Variants in MTFMT observed in about 807,000 individuals in gnomAD.
MTFMT encodes mitochondrial methionyl-tRNA formyltransferase.
Under a neutral mutation model 51.8 loss-of-function variants are expected in MTFMT, and 47 were observed. That is an observed-to-expected ratio of 0.91 (90% confidence interval 0.72 to 1.16). The LOEUF (loss-of-function observed/expected upper bound fraction) is 1.16, where lower values mean the gene tolerates loss of function less well. MTFMT is among the 50% of genes most tolerant of loss of function. The probability of loss-of-function intolerance (pLI) is 0.00; values close to 1 mark genes in which losing one functional copy is unlikely to be tolerated. For synonymous variants in MTFMT, 196 were observed against 176.7 expected (o/e 1.11, Z -0.87); for missense variants, 512 against 482.3 (o/e 1.06, Z -0.58).
chr15:65,014,718 C>A (rs576960576), intron 6 of MTFMT, among the ~76,000 whole-genome samples: 4 of 151,446 alleles, frequency 2.6e-5, no homozygotes, highest in Admixed American at 2.0e-4. Context: ...ACCTCTGTCT[C>A]CTAGGTTCAA....
intron 7 of MTFMT, 125 bp from the exon 8 acceptor site, chr15:65,005,061 G>A (rs1438467634): frequency 6.1e-6 from 4 of 657,716 alleles, no homozygotes; most frequent in Non-Finnish European, 1.0e-5. Flanking sequence ...CACATTTGCT[G>A]ATGTTGACTT....
At chr15:65,008,953 A>C (rs1212629973) in intron 6 of MTFMT, among the ~76,000 whole-genome samples, 1 of 152,228 alleles carries the variant, frequency 6.6e-6, no homozygotes, top group Non-Finnish European at 1.5e-5. Context: ...TCATCAGAGC[A>C]TTGTAGAAAG....
intron 6 of MTFMT, chr15:65,016,166 T>C (rs568067089): frequency 5.2e-6 from 1 of 193,830 alleles, no homozygotes; most frequent in African/African-American, 2.3e-5. Context: ...CCCTCACCTA[T>C]GAAGTAGGAT....
chr15:65,003,102 T>C lies in MTFMT; in HGVS notation c.1130A>G (p.Lys377Arg). 6.2e-7 allele frequency: 1 copy of C among 1,610,230 alleles called. No individual in the cohort carries two copies. The highest frequency in any genetic ancestry group is 8.5e-7 in the Non-Finnish European group (1 of 1,178,006). The change falls in exon 9 of 9, where the codon AAG becomes AGG. Residue 377 changes from lysine to arginine, a missense_variant. By Grantham distance (26) the Lys-to-Arg change is conservative (BLOSUM62 2). Coordinates refer to ENST00000220058, the MANE Select transcript of MTFMT (RefSeq NM_139242.4). ...TTGCATAGCAACAGTTTTTTTCTGC[T>C]TCTTCTTTGTTGGAAGTCTGAGAGT... is the stretch of plus-strand genomic sequence containing the variant. ...FQTLRLPTKK[K>R]QKKTVAMQQC... is the part of the protein sequence containing the mutation.
At chr15:65,003,724 C>T (rs564524308) in intron 8 of MTFMT, among the ~76,000 whole-genome samples, 67 of 150,158 alleles carry the variant, frequency 4.5e-4, no homozygotes, top group African/African-American at 1.5e-3. Flanking sequence ...GGCGTGGTGG[C>T]GGGTGCCTGT....
intron 6 of MTFMT, among the ~76,000 whole-genome samples, chr15:65,008,057 G>T (rs1469055205): frequency 1.3e-5 from 2 of 151,868 alleles, no homozygotes; most frequent in Non-Finnish European, 2.9e-5. Flanking sequence ...CTTTTTTATA[G>T]TCCTTGTGAT....
intron 3 of MTFMT, among the ~76,000 whole-genome samples, chr15:65,022,909 T>G (rs1332307372): frequency 6.6e-6 from 1 of 151,980 alleles, no homozygotes; most frequent in Non-Finnish European, 1.5e-5. Context: ...AGGCTGGTCT[T>G]GAACTCCCAG....
At chr15:65,009,481 A>C (rs2086244876) in intron 6 of MTFMT, among the ~76,000 whole-genome samples, 1 of 152,142 alleles carries the variant, frequency 6.6e-6, no homozygotes, top group South Asian at 2.1e-4. Context: ...CCAAAAATCT[A>C]TGAATGATCC....
Position 65,021,560 on chromosome 15 carries a change from G to A in MTFMT, c.599C>T (p.Thr200Ile). The A allele has an allele frequency of 1.9e-6, 3 of 1,605,980 alleles. No homozygotes were observed. Among genetic ancestry groups the A allele is most frequent in the Non-Finnish European group, 2.6e-6 (3 of 1,173,416 alleles). Residue 200 changes from threonine (T) to isoleucine (I), a missense_variant, in exon 4 of 9, where the codon ACT (threonine) becomes ATT (isoleucine). Coordinates refer to ENST00000220058, the MANE Select transcript of MTFMT (RefSeq NM_139242.4). ...CAACACTGCTTCCAATTCCTTTGCA[G>A]TGCTCTTGGGTGGCACAGGAACAGT... ...QETVPVPPKS[T>I]AKELEAVLSR...
chr15:65,008,658 AT>A (rs2086238470), intron 6 of MTFMT, among the ~76,000 whole-genome samples: 1 of 152,248 alleles, frequency 6.6e-6, no homozygotes, highest in Non-Finnish European at 1.5e-5. Context: ...TGTTGTAATA[AT>A]TTGAACATTA....
At chr15:65,006,043 TA>T in intron 7 of MTFMT, 69 bp downstream of exon 7, 2 of 1,088,166 alleles carry the variant, frequency 1.8e-6, no homozygotes, top group Non-Finnish European at 2.8e-6. Context: ...TGACATATGA[TA>T]AAACAGACGT....
In MTFMT at chr15:65,021,629, C is replaced by A; in HGVS notation, c.543-13G>T. The A allele has an allele frequency of 6.5e-7, 1 of 1,539,466 alleles. No individual in the cohort carries two copies. The highest frequency in any genetic ancestry group is 1.2e-5 in the South Asian group (1 of 84,680). The stretch of plus-strand genomic sequence containing the variant: ...GCCTACATCAAACCTAGCAAAAAAT[C>A]AAAAGCAAATAATGACAATGATTAC... On this transcript the variant is annotated splice_polypyrimidine_tract_variant and intron_variant, in intron 3 of 8. Transcript: ENST00000220058.
chr15:65,013,874 C>T (rs571519949), intron 6 of MTFMT, among the ~76,000 whole-genome samples: 10 of 151,364 alleles, frequency 6.6e-5, no homozygotes, highest in East Asian at 1.9e-4. Flanking sequence ...GCCCAGAAGG[C>T]GGAGGTTGCA....
chr15:65,003,404 T>C, intron 8 of MTFMT, 148 bp from the exon 9 acceptor site: 1 of 625,576 alleles, frequency 1.6e-6, no homozygotes, highest in Non-Finnish European at 2.7e-6. Context: ...CTACACTAAG[T>C]AACATGTAGA....
In MTFMT at chr15:65,004,855, T is replaced by A. The variant is rs1358489616; in HGVS notation, c.974A>T (p.Lys325Met). ...KQSQILLVYC[K>M]DGWIGVRSVM... ...ACTTGAAACTAATGAAAAACATACC[T>A]TGCAATAAACCAATAGTATTTGTGA... Residue 325 changes from lysine (K) to methionine (M), a missense_variant and splice_region_variant, in exon 8 of 9, where the codon AAG (lysine) becomes ATG (methionine). By Grantham distance (95) the Lys-to-Met change is moderately conservative. Transcript: ENST00000220058. The A allele has an allele frequency of 6.3e-7, 1 of 1,582,392 alleles. No homozygotes were observed. The highest frequency in any genetic ancestry group is 1.4e-5 in the African/African-American group (1 of 73,948).
At chr15:65,022,668 G>T (rs1042413597) in intron 3 of MTFMT, among the ~76,000 whole-genome samples, 2 of 150,724 alleles carry the variant, frequency 1.3e-5, no homozygotes, top group South Asian at 4.2e-4. Context: ...AAAACGGAGT[G>T]AACAGTCTAA....
At chr15:65,026,659 G>A (rs776759552) in intron 2 of MTFMT, 172 bp downstream of exon 2, 39 of 629,314 alleles carry the variant, frequency 6.2e-5, no homozygotes, top group Non-Finnish European at 1.0e-4. Context: ...ACCTGAACCT[G>A]GCAGAGAAAT....
intron 5 of MTFMT, among the ~76,000 whole-genome samples, chr15:65,019,715 T>C (rs1237104159): frequency 6.6e-6 from 1 of 152,098 alleles, no homozygotes; most frequent in African/African-American, 2.4e-5. Flanking sequence ...AAAATAAAAC[T>C]ATAAAATAAA....
intron 8 of MTFMT, 144 bp from the exon 9 acceptor site, chr15:65,003,400 T>C (rs1308316012): frequency 1.6e-6 from 1 of 628,080 alleles, no homozygotes; most frequent in African/African-American, 1.8e-5. Context: ...AGCACTACAC[T>C]AAGTAACATG....
Sources: allele counts gnomAD v4.1 joint callset (sites outside exome capture counted in the v4.1 genomes callset), GRCh38; gene constraint gnomAD v4.1.1; transcripts MANE v1.5; gene names NCBI Gene and HGNC (gene_info 2026-07-23, HGNC 2026-07-21).